UBE2D2: variants seen among roughly 807,000 people sequenced by gnomAD.
UBE2D2 encodes ubiquitin conjugating enzyme E2 D2, also known as ubiquitin-conjugating enzyme E2 D2.
Under a neutral mutation model 24.2 loss-of-function variants are expected in UBE2D2, and 2 were observed. That is an observed-to-expected ratio of 0.08 (90% CI 0.03 to 0.26). The LOEUF (loss-of-function observed/expected upper bound fraction) is 0.26, where lower values mean the gene tolerates loss of function less well. UBE2D2 is among the 10% of genes least tolerant of loss of function. The probability of loss-of-function intolerance (pLI) is 1.00; values close to 1 mark genes in which losing one functional copy is unlikely to be tolerated. For synonymous variants in UBE2D2, 58 were observed against 56.5 expected, an observed-to-expected ratio of 1.03 and a Z score of -0.12; for missense variants, 44 against 177.6, an observed-to-expected ratio of 0.25 and a Z score of 4.28.
chr5:139,560,335 C>A (rs1753048119), upstream of UBE2D2, among the ~76,000 whole-genome samples: 1 of 151,892 alleles, frequency 6.6e-6, no homozygotes, highest in African/African-American at 2.4e-5. Context: ...GTAGCTGGGA[C>A]TACAGGCGCC....
At chr5:139,587,672 C>CAAAA (rs766266617) in intron 1 of UBE2D2, among the ~76,000 whole-genome samples, 4 of 35,544 alleles carry the variant, frequency 1.1e-4, no homozygotes, top group African/African-American at 3.3e-4. Context: ...GACCCCATCT[C>CAAAA]AAAAAAAAAA....
chr5:139,627,296 GACCA>G lies in UBE2D2; in HGVS notation c.*500_*503del, dbSNP rs924508847. 6.5e-6 allele frequency: 1 copy of G among 154,724 alleles called. No individual in the cohort carries two copies. The highest frequency in any genetic ancestry group is 2.4e-5 in the African/African-American group (1 of 41,582). 9.6% of individuals were successfully genotyped at this position (154,724 alleles called of 1,614,324 possible). A position where few individuals can be genotyped will look rare whatever the true frequency, so the allele number is the denominator to read the frequency against. On this transcript the variant is annotated 3_prime_UTR_variant, in exon 7 of 7. Transcript: ENST00000398733. ...GAGCTACGTCTTAGGTGAAAGTTAT[GACCA>G]ACCAGATTAAACTCTACCCACATCC...
intron 2 of UBE2D2, among the ~76,000 whole-genome samples, chr5:139,604,892 A>C (rs890344845): frequency 4.6e-5 from 7 of 152,164 alleles, no homozygotes; most frequent in Admixed American, 1.3e-4. Flanking sequence ...AAAAAAAAAA[A>C]AAAACAAGTA....
intron 2 of UBE2D2, chr5:139,612,127 C>T: frequency 5.4e-6 from 1 of 185,830 alleles, no homozygotes; most frequent in South Asian, 1.3e-4. Context: ...GCCTCACTTG[C>T]CTCCTGCAAA....
At chr5:139,561,110 G>A (rs2126644986), upstream of UBE2D2, 1 of 152,804 alleles carries the variant, frequency 6.5e-6, no homozygotes, top group South Asian at 2.1e-4. Context: ...GTCAACGGTC[G>A]CGGCGCTGGA....
intron 1 of UBE2D2, among the ~76,000 whole-genome samples, chr5:139,577,404 CTTTTTTTTT>C (rs869189901): frequency 5.8e-5 from 4 of 69,108 alleles, no homozygotes; most frequent in East Asian, 4.4e-4. Context: ...TAGCATCTCT[CTTTTTTTTT>C]TTTTTTTTTT....
At chr5:139,533,539 A>G (rs1752625031) in intron 1 of UBE2D2, among the ~76,000 whole-genome samples, 1 of 151,650 alleles carries the variant, frequency 6.6e-6, no homozygotes, top group South Asian at 2.1e-4. Flanking sequence ...AATCCCAGCT[A>G]CTCGGGAGGC....
At chr5:139,602,592 C>T (rs186261496) in intron 2 of UBE2D2, among the ~76,000 whole-genome samples, 27 of 152,024 alleles carry the variant, frequency 1.8e-4, no homozygotes, top group Admixed American at 1.6e-3. Flanking sequence ...GTGGGAGGAT[C>T]GCTTGAGTCC....
At chr5:139,548,941 CG>C (rs1337343860) in intron 1 of UBE2D2, among the ~76,000 whole-genome samples, 1 of 151,854 alleles carries the variant, frequency 6.6e-6, no homozygotes, top group Non-Finnish European at 1.5e-5. Context: ...CTCCGTCTCC[CG>C]GGTTCAAGCG....
At chr5:139,529,503 G>A (rs899816634) in intron 1 of UBE2D2, among the ~76,000 whole-genome samples, 5 of 152,102 alleles carry the variant, frequency 3.3e-5, no homozygotes, top group Non-Finnish European at 2.9e-5. Flanking sequence ...TACTGGTCTT[G>A]TGTCATTTGA....
chr5:139,586,467 A>T (rs1247124406), intron 1 of UBE2D2, among the ~76,000 whole-genome samples: 1 of 152,104 alleles, frequency 6.6e-6, no homozygotes, highest in Non-Finnish European at 1.5e-5. Context: ...TGATGAGTCT[A>T]AAAAAGAATT....
intron 1 of UBE2D2, among the ~76,000 whole-genome samples, chr5:139,533,773 A>T (rs1405643641): frequency 6.7e-6 from 1 of 150,006 alleles, no homozygotes; most frequent in Non-Finnish European, 1.5e-5. Flanking sequence ...TCTCAGCATA[A>T]ATTAAAAAAC....
At chr5:139,626,712 G>T in intron 6 of UBE2D2, 44 bp from the exon 7 acceptor site, 1 of 1,543,972 alleles carries the variant, frequency 6.5e-7, no homozygotes, top group South Asian at 1.1e-5. Context: ...GTTGCTTACT[G>T]ACTCCACACC....
At chr5:139,571,406 CAA>C (rs549829203) in intron 1 of UBE2D2, among the ~76,000 whole-genome samples, 11 of 88,144 alleles carry the variant, frequency 1.2e-4, no homozygotes, top group Non-Finnish European at 1.4e-4. Context: ...GACTCCCTCT[CAA>C]AAAAAAAAAA....
rs184578996 is a variant in UBE2D2, at chr5:139,605,361, G to A, written c.88+4926G>A. Among the ~76,000 whole-genome samples, 876 of 152,086 alleles carry A rather than the reference G, an allele frequency of 5.8e-3. 12 individuals are homozygous for A. Among genetic ancestry groups the A allele is most frequent in the African/African-American group, 0.018 (752 of 41,512 alleles). On this transcript the variant is annotated intron_variant, in intron 2 of 6. Transcript: ENST00000398733. ...TAATCCCAACACTTTGGGAGGCCGAGGCGGGCGGATCACGAGGTCAGGAGA... is the reference window on the plus strand; with the variant it reads ...TAATCCCAACACTTTGGGAGGCCGAAGCGGGCGGATCACGAGGTCAGGAGA...
intron 1 of UBE2D2, among the ~76,000 whole-genome samples, chr5:139,581,212 GC>G (rs1444573442): frequency 6.6e-6 from 1 of 152,160 alleles, no homozygotes; most frequent in Non-Finnish European, 1.5e-5. Flanking sequence ...ACTTTGGGAG[GC>G]CGAGGCGGGT....
intron 2 of UBE2D2, among the ~76,000 whole-genome samples, chr5:139,613,921 G>C (rs1581530316): frequency 6.6e-6 from 1 of 152,266 alleles, no homozygotes; most frequent in East Asian, 1.9e-4. Context: ...AATTAGCCAG[G>C]TGTGGTGGCA....
At position 139,626,885 on chromosome 5, in the gene UBE2D2, T is replaced by C; in HGVS notation, c.*84T>C. On this transcript the variant is annotated 3_prime_UTR_variant, in exon 7 of 7. Transcript: ENST00000398733. ...GTCCTTTTGATTTCCATTTGACTGC[T>C]TTCTATGAGCCCACGCCTCATCTTC... 1 of 1,205,336 alleles carries C rather than the reference T, an allele frequency of 8.3e-7. No individual in the cohort carries two copies. The highest frequency in any genetic ancestry group is 1.2e-6 in the Non-Finnish European group (1 of 825,912). The allele number at this position is 1,205,336 out of a possible 1,614,324, so 74.7% of individuals were successfully genotyped here. A position where few individuals can be genotyped will look rare whatever the true frequency, so the allele number is the denominator to read the frequency against.
intron 5 of UBE2D2, among the ~76,000 whole-genome samples, chr5:139,615,175 T>G (rs1754397438): frequency 6.6e-6 from 1 of 152,192 alleles, no homozygotes; most frequent in Non-Finnish European, 1.5e-5. Flanking sequence ...GTTGTGCTAC[T>G]CTAGCATAGG....
Sources: allele counts gnomAD v4.1 joint callset (sites outside exome capture counted in the v4.1 genomes callset), GRCh38; gene constraint gnomAD v4.1.1; transcripts MANE v1.5; gene names NCBI Gene and HGNC (gene_info 2026-07-23, HGNC 2026-07-21).